Variants in ORC2 observed in about 807,000 individuals in gnomAD.
ORC2 encodes origin recognition complex subunit 2.
ORC2 carries 37 observed loss-of-function variants against 77.7 expected under a neutral mutation model. The observed-to-expected ratio is 0.48, with a 90% CI of 0.37 to 0.63. The LOEUF (loss-of-function observed/expected upper bound fraction) is 0.63. Among genes scored for constraint, ORC2 ranks in the 20% least tolerant of loss-of-function variants. The probability of loss-of-function intolerance (pLI) is 0.00; values close to 1 mark genes in which losing one functional copy is unlikely to be tolerated. For synonymous variants in ORC2, 201 were observed against 229.5 expected, an observed-to-expected ratio of 0.88 and a Z score of 1.12; for missense variants, 557 against 661.9, an observed-to-expected ratio of 0.84 and a Z score of 1.74.
chr2:200,958,391 AG>A (rs1015617605), intron 2 of ORC2, among the ~76,000 whole-genome samples: 7 of 152,214 alleles, frequency 4.6e-5, no homozygotes, highest in Admixed American at 4.6e-4. Context: ...AAATATACTC[AG>A]AAAAATAAAA....
At chr2:200,922,109 G>A (rs563314158) in intron 13 of ORC2, among the ~76,000 whole-genome samples, 16 of 127,328 alleles carry the variant, frequency 1.3e-4, no homozygotes, top group African/African-American at 2.4e-4. Context: ...TAGAAAACCC[G>A]GATTATCACA....
At chr2:200,932,373 T>C (rs1445668651) in intron 10 of ORC2, among the ~76,000 whole-genome samples, 2 of 144,650 alleles carry the variant, frequency 1.4e-5, no homozygotes, top group African/African-American at 5.2e-5. Context: ...AGAGTCTTGC[T>C]CTGTCACCCA....
At chr2:200,962,580 A>G (rs1187802884) in intron 1 of ORC2, among the ~76,000 whole-genome samples, 1 of 152,294 alleles carries the variant, frequency 6.6e-6, no homozygotes, top group East Asian at 1.9e-4. Flanking sequence ...AATGCTCCCA[A>G]TTATCGGTAT....
At chr2:200,920,147 A>G (rs1355917507) in intron 15 of ORC2, 75 bp downstream of exon 15, 2 of 1,075,756 alleles carry the variant, frequency 1.9e-6, no homozygotes, top group East Asian at 2.5e-5. Context: ...GGACTTCAGT[A>G]TCCCCATTAA....
Position 200,913,931 on chromosome 2 carries a change from C to T in ORC2, c.1528G>A (p.Gly510Ser). The change falls in exon 16 of 18, where the codon GGC (glycine) becomes AGC (serine). Residue 510 changes from glycine to serine, a missense_variant and splice_region_variant. By Grantham distance (56) the Gly-to-Ser change is moderately conservative. Coordinates refer to ENST00000234296, the MANE Select transcript of ORC2 (RefSeq NM_006190.5). ...LDNQDNPSYI[G>S]LSFQDFYQQC... ...ATTGAATGTCATAAATATTGGATAC[C>T]AATGTAAGAAGGGTTATCCTGGTTG... 6.3e-7 allele frequency: 1 copy of T among 1,578,892 alleles called. No individual in the cohort carries two copies. The highest frequency in any genetic ancestry group is 8.6e-7 in the Non-Finnish European group (1 of 1,168,426).
intron 1 of ORC2, 84 bp from the exon 2 acceptor site, chr2:200,959,524 A>C (rs867298473): frequency 2.0e-5 from 3 of 152,244 alleles, no homozygotes; most frequent in Non-Finnish European, 2.9e-5. Context: ...ACAAGTTTTA[A>C]CAAGCATGAT....
chr2:200,915,280 AT>A (rs2040625797), intron 15 of ORC2, among the ~76,000 whole-genome samples: 1 of 151,096 alleles, frequency 6.6e-6, no homozygotes, highest in East Asian at 1.9e-4. Flanking sequence ...GATTTTTCCC[AT>A]GTCTTTAAAA....
chr2:200,920,981 C>T lies in ORC2; in HGVS notation c.1294+12G>A. On this transcript the variant is annotated intron_variant, in intron 14 of 17. Transcript: ENST00000234296. ...ATATCTCTAGAAGGAAAAATAGTAA[C>T]AATTAACTTACTGAGAGGAGCATTG... The T allele has an allele frequency of 6.6e-7, 1 of 1,520,176 alleles. No individual in the cohort carries two copies. The allele number at this position is 1,520,176 out of a possible 1,614,324, so 94.2% of individuals were successfully genotyped here.
chr2:200,926,678 A>C, intron 12 of ORC2, 90 bp downstream of exon 12: 1 of 1,371,400 alleles, frequency 7.3e-7, no homozygotes, highest in Admixed American at 1.8e-5. Context: ...GGCTAAAACA[A>C]AAATTCTTTA....
intron 9 of ORC2, among the ~76,000 whole-genome samples, chr2:200,935,248 G>A (rs1279277953): frequency 6.6e-5 from 10 of 152,048 alleles, no homozygotes; most frequent in South Asian, 2.1e-4. Context: ...TCAGCCTCCC[G>A]CGTAGCTGGG....
At chr2:200,960,642 A>G (rs1346248289) in intron 1 of ORC2, among the ~76,000 whole-genome samples, 1 of 152,218 alleles carries the variant, frequency 6.6e-6, no homozygotes, top group Non-Finnish European at 1.5e-5. Context: ...CTCTCTTTAT[A>G]TATATAATGT....
At chr2:200,927,946 T>G (rs190845565) in intron 11 of ORC2, among the ~76,000 whole-genome samples, 1 of 151,534 alleles carries the variant, frequency 6.6e-6, no homozygotes, top group African/African-American at 2.4e-5. Context: ...CCTTAGCCTC[T>G]CAAAGTGCTG....
At chr2:200,948,961 G>A (rs918007289) in intron 5 of ORC2, among the ~76,000 whole-genome samples, 9 of 151,984 alleles carry the variant, frequency 5.9e-5, no homozygotes, top group Non-Finnish European at 7.4e-5. Flanking sequence ...AGCTATGGCC[G>A]GGCATGGTGA....
rs16836025 is a variant in ORC2, at chr2:200,937,843, C to T, written c.514+63G>A. Reference sequence around the variant, plus strand: ...CTAAGTCTAGAACCTATATACTTAACTATTATTGCCTCTTGTTTAGATGCT... The same window carrying T: ...CTAAGTCTAGAACCTATATACTTAATTATTATTGCCTCTTGTTTAGATGCT... On this transcript the variant is annotated intron_variant, in intron 8 of 17. Coordinates refer to ENST00000234296, the MANE Select transcript of ORC2 (RefSeq NM_006190.5). The T allele has an allele frequency of 5.4e-4, 581 of 1,080,304 alleles. 2 individuals carry two copies. In the African/African-American group the frequency reaches 7.9e-3, roughly 15 times the overall value. The allele number at this position is 1,080,304 out of a possible 1,614,324, so 66.9% of individuals were successfully genotyped here. A position where few individuals can be genotyped will look rare whatever the true frequency, so the allele number is the denominator to read the frequency against.
chr2:200,929,814 A>C (rs1160249182), intron 11 of ORC2, among the ~76,000 whole-genome samples: 1 of 151,772 alleles, frequency 6.6e-6, no homozygotes, highest in Non-Finnish European at 1.5e-5. Flanking sequence ...AAAAAGAATG[A>C]CTCAGTTTTC....
chr2:200,949,519 G>A (rs372007069), intron 5 of ORC2, 35 bp downstream of exon 5: 4 of 1,102,122 alleles, frequency 3.6e-6, no homozygotes, highest in Non-Finnish European at 5.5e-6. Flanking sequence ...TAGGAAAGAT[G>A]AGTAATAGTT....
At position 200,957,436 on chromosome 2, in the gene ORC2, T is replaced by C. The variant is rs556347035; in HGVS notation, c.203A>G (p.Gln68Arg). 6.2e-6 allele frequency: 10 copies of C among 1,609,568 alleles called. No homozygotes were observed. The African/African-American group carries it at 1.1e-4, about 17-fold the overall frequency. Residue 68 changes from glutamine (Q) to arginine (R), a missense_variant, in exon 4 of 18, where the codon CAG (glutamine) becomes CGG (arginine). By Grantham distance (43) the Gln-to-Arg change is conservative. Transcript: ENST00000234296. The stretch of plus-strand genomic sequence containing the variant: ...TCTTCCCATAATTTCCACATAGTTC[T>C]GATCTTTTAAGACCTCCTGGTCATC... ...EEDDQEVLKD[Q>R]NYVEIMGRDV...
chr2:200,913,440 T>G, intron 16 of ORC2, 27 bp from the exon 17 acceptor site: 1 of 1,563,666 alleles, frequency 6.4e-7, no homozygotes, highest in South Asian at 1.1e-5. Context: ...GATATGAACA[T>G]AAGTCAGCAC....
chr2:200,935,997 G>T, intron 8 of ORC2, 105 bp from the exon 9 acceptor site: 2 of 852,472 alleles, frequency 2.3e-6, no homozygotes, highest in Non-Finnish European at 3.5e-6. Context: ...TCTGAATTCT[G>T]GTTTTGTCAT....
Sources: allele counts gnomAD v4.1 joint callset (sites outside exome capture counted in the v4.1 genomes callset), GRCh38; gene constraint gnomAD v4.1.1; transcripts MANE v1.5; gene names NCBI Gene and HGNC (gene_info 2026-07-23, HGNC 2026-07-21).